NLGN1: variants seen among roughly 807,000 people sequenced by gnomAD.
NLGN1 encodes the protein neuroligin-1.
Under a neutral mutation model 65.5 loss-of-function variants are expected in NLGN1, and 12 were observed. The ratio of observed to expected loss-of-function variants is 0.18; its 90% CI spans 0.12 to 0.30. The LOEUF (loss-of-function observed/expected upper bound fraction) is 0.30. Among genes scored for constraint, NLGN1 ranks in the 10% least tolerant of loss-of-function variants. NLGN1 has a pLI of 1.00. For missense variants in NLGN1, 750 were observed against 1,007.1 expected, an observed-to-expected ratio of 0.74 and a Z score of 3.46; for synonymous variants, 350 against 359.5, an observed-to-expected ratio of 0.97 and a Z score of 0.30.
intron 4 of NLGN1, among the ~76,000 whole-genome samples, chr3:174,151,429 T>C (rs918659482): frequency 3.0e-4 from 45 of 152,168 alleles, no homozygotes; most frequent in African/African-American, 1.1e-3. Flanking sequence ...ATGCTGATTA[T>C]GTGCATGATG....
chr3:174,208,028 A>C (rs1561291799), intron 4 of NLGN1, among the ~76,000 whole-genome samples: 3 of 152,202 alleles, frequency 2.0e-5, no homozygotes. Context: ...CTTTAGCAAA[A>C]AGCAAATCAA....
rs150712349 is a variant in NLGN1 at position 174,018,557 on chromosome 3, G to T, written c.646+210725G>T. On this transcript the variant is annotated intron_variant, in intron 4 of 6. Coordinates refer to ENST00000457714, the Ensembl canonical transcript of NLGN1. ...TGCCATGGCTTCAGCCGGTCCCTTC[G>T]TTCAGGGTCCCTGACTTCCTGCAAC... Among the ~76,000 whole-genome samples the T allele has an allele frequency of 3.9e-5, 6 of 152,238 alleles. No homozygotes were observed. In the South Asian group the frequency reaches 1.2e-3, roughly 32 times the overall value.
intron 2 of NLGN1, among the ~76,000 whole-genome samples, chr3:173,544,288 G>GTGTGTA (rs1739402649): frequency 6.6e-6 from 1 of 151,418 alleles, no homozygotes; most frequent in Non-Finnish European, 1.5e-5. Flanking sequence ...GTGTGTGTGT[G>GTGTGTA]TGTGAATTAC....
intron 4 of NLGN1, among the ~76,000 whole-genome samples, chr3:174,055,117 A>G (rs1735767763): frequency 7.4e-6 from 1 of 135,924 alleles, no homozygotes. Flanking sequence ...TGTGTGCTCA[A>G]TTTTCTGAAT....
At chr3:173,877,250 C>G (rs1247000799) in intron 4 of NLGN1, among the ~76,000 whole-genome samples, 1 of 152,088 alleles carries the variant, frequency 6.6e-6, no homozygotes, top group African/African-American at 2.4e-5. Flanking sequence ...GAAAAGGGCA[C>G]AGGACCTCTC....
intron 4 of NLGN1, among the ~76,000 whole-genome samples, chr3:174,265,801 A>ATG (rs1748037164): frequency 6.8e-6 from 1 of 146,530 alleles, no homozygotes; most frequent in Non-Finnish European, 1.5e-5. Flanking sequence ...ATATATATAT[A>ATG]GCCAAAGTAT....
rs528250280 is a variant in NLGN1, at chr3:174,265,785, A to G, written c.647-9530A>G. On this transcript the variant is annotated intron_variant, in intron 4 of 6. Transcript: ENST00000457714. ...AGGCTATATATATATATATATATGT[A>G]TATATATATATATATAGCCAAAGTA... is the stretch of plus-strand genomic sequence containing the variant. Among the ~76,000 whole-genome samples the G allele has an allele frequency of 3.0e-3, 415 of 137,866 alleles. 6 individuals are homozygous for G. Among genetic ancestry groups the G allele is most frequent in the Middle Eastern group, 7.8e-3 (2 of 258 alleles). The allele number at this position is 137,866 out of a possible 152,430, so 90.4% of individuals were successfully genotyped here.
chr3:173,830,465 T>G (rs1722307382), intron 4 of NLGN1, among the ~76,000 whole-genome samples: 1 of 152,196 alleles, frequency 6.6e-6, no homozygotes, highest in Admixed American at 6.5e-5. Context: ...AATGTATAGC[T>G]TTTATAATCT....
chr3:173,477,089 G>T (rs1166265953), intron 2 of NLGN1, among the ~76,000 whole-genome samples: 2 of 152,100 alleles, frequency 1.3e-5, no homozygotes, highest in African/African-American at 4.8e-5. Context: ...CAGCCAGTTG[G>T]ATATATTGCT....
intron 4 of NLGN1, among the ~76,000 whole-genome samples, chr3:174,054,760 G>A (rs184531167): frequency 6.6e-6 from 1 of 152,128 alleles, no homozygotes; most frequent in East Asian, 1.9e-4. Context: ...TGTTGTAACA[G>A]TGTCCACTTT....
intron 4 of NLGN1, among the ~76,000 whole-genome samples, chr3:174,164,944 C>G (rs954859109): frequency 2.0e-5 from 3 of 151,914 alleles, no homozygotes; most frequent in Admixed American, 1.3e-4. Flanking sequence ...GATATTGATT[C>G]TTCCAATCCA....
chr3:174,065,003 C>T (rs944928313), intron 4 of NLGN1, among the ~76,000 whole-genome samples: 2 of 151,308 alleles, frequency 1.3e-5, no homozygotes, highest in Non-Finnish European at 3.0e-5. Flanking sequence ...AATGAGGTGT[C>T]AAGTATTTTA....
intron 4 of NLGN1, among the ~76,000 whole-genome samples, chr3:174,055,830 C>A (rs564862393): frequency 2.2e-4 from 33 of 152,064 alleles, no homozygotes; most frequent in African/African-American, 7.5e-4. Flanking sequence ...TCATACCTGA[C>A]TTATTATTCT....
intron 2 of NLGN1, among the ~76,000 whole-genome samples, chr3:173,568,129 T>TTTCC (rs576675821): frequency 6.1e-4 from 93 of 151,770 alleles, no homozygotes; most frequent in East Asian, 1.7e-3. Flanking sequence ...GTACAATAGA[T>TTTCC]TTCCTTCCTT....
intron 3 of NLGN1, among the ~76,000 whole-genome samples, chr3:173,669,310 G>C (rs368745060): frequency 6.6e-6 from 1 of 152,112 alleles, no homozygotes; most frequent in African/African-American, 2.4e-5. Flanking sequence ...CCACAAACTG[G>C]GTGGCTTAGA....
intron 2 of NLGN1, among the ~76,000 whole-genome samples, chr3:173,579,052 AT>A (rs1481290642): frequency 1.3e-5 from 2 of 152,234 alleles, no homozygotes; most frequent in East Asian, 3.8e-4. Context: ...AGTCAGAATT[AT>A]TCAAGTCTGT....
chr3:173,723,605 T>C (rs1441530862), intron 3 of NLGN1, among the ~76,000 whole-genome samples: 1 of 152,188 alleles, frequency 6.6e-6, no homozygotes, highest in Admixed American at 6.6e-5. Flanking sequence ...ATGATCACTA[T>C]GTTATAACTG....
intron 1 of NLGN1, among the ~76,000 whole-genome samples, chr3:173,434,086 G>A (rs539409701): frequency 2.0e-5 from 3 of 152,168 alleles, no homozygotes; most frequent in East Asian, 1.9e-4. Flanking sequence ...TTCTAGAATC[G>A]ACTTTAATCC....
In NLGN1 at chr3:174,205,307, TATAAC is replaced by T. The variant is rs533790407; in HGVS notation, c.647-70005_647-70001del. ...TTAGCTTGAGGTTAAAGTTAAATAT[TATAAC>T]ATTGCAATTTTCAAAAAGAAAATGG... is the stretch of plus-strand genomic sequence containing the variant. On this transcript the variant is annotated intron_variant, in intron 4 of 6. Coordinates refer to ENST00000457714, the Ensembl canonical transcript of NLGN1. Among the ~76,000 whole-genome samples, 166 of 152,260 alleles carry T rather than the reference TATAAC, an allele frequency of 1.1e-3. 3 individuals are homozygous for T. In the South Asian group the frequency reaches 0.033, roughly 31 times the overall value.
Sources: gnomAD v4.1 joint callset for allele counts (sites outside exome capture counted in the v4.1 genomes callset) on GRCh38, gnomAD v4.1.1 for gene constraint, MANE v1.5 for transcripts, NCBI Gene and HGNC (gene_info 2026-07-23, HGNC 2026-07-21) for gene names.